The following PTPRD variants were observed in gnomAD, a reference collection of about 807,000 sequenced individuals.
PTPRD encodes the protein receptor-type tyrosine-protein phosphatase delta.
A neutral mutation model predicts 214.5 loss-of-function variants in PTPRD; 34 were observed. The ratio of observed to expected loss-of-function variants is 0.16; its 90% CI spans 0.12 to 0.21. The LOEUF (loss-of-function observed/expected upper bound fraction) is 0.21, where lower values mean the gene tolerates loss of function less well. Ranked by LOEUF, PTPRD falls within the 10% of genes least tolerant of loss-of-function variation. PTPRD has a pLI of 1.00. For missense variants in PTPRD, 2,545 were observed against 2,398.7 expected, an observed-to-expected ratio of 1.06 and a Z score of -1.27; for synonymous variants, 1,128 against 845.7, an observed-to-expected ratio of 1.33 and a Z score of -5.79.
At chr9:8,458,612 G>C (rs957573863) in intron 33 of PTPRD, among the ~76,000 whole-genome samples, 3 of 152,018 alleles carry the variant, frequency 2.0e-5, no homozygotes, top group African/African-American at 7.2e-5. Flanking sequence ...CTGGAAAAAA[G>C]TGCAGCGTAC....
At chr9:8,553,353 A>G (rs1312768925) in intron 14 of PTPRD, among the ~76,000 whole-genome samples, 1 of 152,194 alleles carries the variant, frequency 6.6e-6, no homozygotes, top group Non-Finnish European at 1.5e-5. Context: ...AAGCAGCTTG[A>G]AAGAGCTCAA....
intron 12 of PTPRD, among the ~76,000 whole-genome samples, chr9:8,676,389 T>C (rs1378265683): frequency 6.6e-6 from 1 of 150,600 alleles, no homozygotes; most frequent in Non-Finnish European, 1.5e-5. Context: ...TTTTTTTTTT[T>C]TTTTTTTTTT....
At chr9:10,007,302 A>G (rs1021775847) in intron 4 of PTPRD, among the ~76,000 whole-genome samples, 2 of 152,058 alleles carry the variant, frequency 1.3e-5, no homozygotes, top group African/African-American at 4.8e-5. Context: ...AAAGGACATA[A>G]GTAGAGTTTT....
At position 10,425,550 on chromosome 9, in the gene PTPRD, T is replaced by C. The variant is rs1405228320; in HGVS notation, c.-599-84533A>G. On this transcript the variant is annotated intron_variant, in intron 2 of 45. Transcript: ENST00000381196. ...TCCCTTATAAAGGTTTTTACCCACATAAGAGTCCATAATATCATGCTCATA... is the reference window on the plus strand; with the variant it reads ...TCCCTTATAAAGGTTTTTACCCACACAAGAGTCCATAATATCATGCTCATA... 2.0e-5 allele frequency among the ~76,000 whole-genome samples: 3 copies of C among 152,096 alleles called. No homozygotes were observed. The East Asian group carries it at 5.8e-4, about 30-fold the overall frequency.
At position 9,091,235 on chromosome 9, in the gene PTPRD, A is replaced by T. The variant is rs2099775306; in HGVS notation, c.-142-72500T>A. 3 of 1,268,652 alleles carry T rather than the reference A, an allele frequency of 2.4e-6. No homozygotes were observed. The South Asian group carries it at 3.6e-5, about 15-fold the overall frequency. The allele number at this position is 1,268,652 out of a possible 1,614,324, so 78.6% of individuals were successfully genotyped here. Reference sequence around the variant, plus strand: ...GGTGCTGCCCCACGTCCCCCACCAAAGCCCATGTAAGGAGCTGAGTTCTTA... The same window carrying T: ...GGTGCTGCCCCACGTCCCCCACCAATGCCCATGTAAGGAGCTGAGTTCTTA... On this transcript the variant is annotated intron_variant, in intron 10 of 45. Transcript: ENST00000381196.
intron 3 of PTPRD, among the ~76,000 whole-genome samples, chr9:10,108,838 G>A (rs1204626007): frequency 6.7e-6 from 1 of 149,430 alleles, no homozygotes; most frequent in Non-Finnish European, 1.5e-5. Flanking sequence ...AGGACATTAT[G>A]TTAACTGAAT....
At chr9:10,390,832 G>A (rs887978443) in intron 2 of PTPRD, among the ~76,000 whole-genome samples, 1 of 151,676 alleles carries the variant, frequency 6.6e-6, no homozygotes, top group African/African-American at 2.4e-5. Flanking sequence ...AACTTATTTT[G>A]CTAAGACATT....
At chr9:9,657,207 A>T (rs1298202793) in intron 7 of PTPRD, among the ~76,000 whole-genome samples, 1 of 152,172 alleles carries the variant, frequency 6.6e-6, no homozygotes, top group African/African-American at 2.4e-5. Context: ...AAGTTTATAA[A>T]TTTTATAGTA....
chr9:8,709,891 G>C (rs868684970), intron 12 of PTPRD, among the ~76,000 whole-genome samples: 2 of 152,236 alleles, frequency 1.3e-5, no homozygotes, highest in South Asian at 4.1e-4. Context: ...GAAGATAATA[G>C]AGAGTGCCTC....
At chr9:10,373,892 T>G (rs2154479173) in intron 2 of PTPRD, among the ~76,000 whole-genome samples, 1 of 152,218 alleles carries the variant, frequency 6.6e-6, no homozygotes, top group Middle Eastern at 3.4e-3. Flanking sequence ...TTATTCCCTA[T>G]CCACTTCATT....
chr9:10,423,379 A>C (rs566413689), intron 2 of PTPRD, among the ~76,000 whole-genome samples: 2 of 152,098 alleles, frequency 1.3e-5, no homozygotes, highest in South Asian at 4.2e-4. Context: ...GTGTGCAGCA[A>C]ACCAACATGG....
chr9:8,355,814 A>G (rs563585850), intron 39 of PTPRD, among the ~76,000 whole-genome samples: 1 of 152,314 alleles, frequency 6.6e-6, no homozygotes, highest in East Asian at 1.9e-4. Flanking sequence ...GTGGGACCAA[A>G]GATTGTGCAT....
At chr9:8,680,871 A>C (rs1230892247) in intron 12 of PTPRD, among the ~76,000 whole-genome samples, 2 of 152,178 alleles carry the variant, frequency 1.3e-5, no homozygotes, top group African/African-American at 4.8e-5. Flanking sequence ...CATGTAGTCG[A>C]ATGATTGGCC....
intron 33 of PTPRD, among the ~76,000 whole-genome samples, chr9:8,450,440 GA>G (rs113474642): frequency 0.057 from 8,594 of 151,676 alleles, 278 homozygotes; most frequent in South Asian, 0.096. Flanking sequence ...AAATGTGAAG[GA>G]AAAAAAACAG....
chr9:8,906,593 G>C (rs988890943), intron 11 of PTPRD, among the ~76,000 whole-genome samples: 1 of 152,170 alleles, frequency 6.6e-6, no homozygotes, highest in African/African-American at 2.4e-5. Context: ...GTAACCACTT[G>C]CAAAGGATTT....
intron 2 of PTPRD, among the ~76,000 whole-genome samples, chr9:10,569,418 T>A (rs115302481): frequency 0.028 from 4,335 of 152,162 alleles, 211 homozygotes; most frequent in African/African-American, 0.098. Flanking sequence ...TTCTGAATTT[T>A]TAAATTATTA....
chr9:9,874,288 A>T (rs1431738491), intron 5 of PTPRD, among the ~76,000 whole-genome samples: 1 of 152,196 alleles, frequency 6.6e-6, no homozygotes, highest in Non-Finnish European at 1.5e-5. Flanking sequence ...ATTCATTTTT[A>T]AATGATCTAA....
intron 2 of PTPRD, among the ~76,000 whole-genome samples, chr9:10,487,811 G>A (rs1254191798): frequency 6.7e-6 from 1 of 150,370 alleles, no homozygotes; most frequent in Non-Finnish European, 1.5e-5. Flanking sequence ...TTCTGCACAT[G>A]CATTCTATTA....
At chr9:9,802,462 A>G (rs940333226) in intron 5 of PTPRD, among the ~76,000 whole-genome samples, 2 of 151,892 alleles carry the variant, frequency 1.3e-5, no homozygotes, top group African/African-American at 4.8e-5. Context: ...CAGAACTCAA[A>G]CTTAAACTCC....
Sources: allele counts gnomAD v4.1 joint callset (sites outside exome capture counted in the v4.1 genomes callset), GRCh38; gene constraint gnomAD v4.1.1; transcripts MANE v1.5; gene names NCBI Gene and HGNC (gene_info 2026-07-23, HGNC 2026-07-21).